The following CDKL5 variants were observed in gnomAD, a reference collection of about 807,000 sequenced individuals.
The protein encoded by CDKL5 is cyclin dependent kinase like 5.
CDKL5 carries 8 observed loss-of-function variants against 61.7 expected under a neutral mutation model. The observed-to-expected ratio is 0.13, with a 90% confidence interval of 0.08 to 0.23. CDKL5 has a LOEUF of 0.23. Ranked by LOEUF, CDKL5 falls within the 10% of genes least tolerant of loss-of-function variation. The pLI, the probability that CDKL5 is intolerant of heterozygous loss-of-function variation, is 1.00. For missense variants in CDKL5, 440 were observed against 734.5 expected (o/e 0.60, Z 4.63); for synonymous variants, 275 against 272.3 (o/e 1.01, Z -0.10).
rs1376296218 is a variant in CDKL5 at position 18,638,995 on chromosome X, G to A, written c.*10238G>A. 8.9e-6 allele frequency among the ~76,000 whole-genome samples: 1 copy of A among 111,865 alleles called. No individual in the cohort carries two copies. The highest frequency in any genetic ancestry group is 1.9e-5 in the Non-Finnish European group (1 of 53,168). On this transcript the variant is annotated 3_prime_UTR_variant, in exon 18 of 18. Coordinates refer to ENST00000623535, the MANE Select transcript of CDKL5 (RefSeq NM_001323289.2). The stretch of plus-strand genomic sequence containing the variant: ...GACAACTGGATATCCACATGCAAAA[G>A]AATGACGTTGGACTCCTATTTCACA...
At position 18,584,369 on chromosome X, in the gene CDKL5, A is replaced by G; in HGVS notation, c.554+16A>G. The stretch of plus-strand genomic sequence containing the variant: ...TCTTACTTGGGTGAGTTACCGTCCC[A>G]AAATAGAATGACATTTCCACATCTG... On this transcript the variant is annotated intron_variant, in intron 8 of 17. Transcript: ENST00000623535. 1 of 1,043,346 alleles carries G rather than the reference A, an allele frequency of 9.6e-7. No homozygotes were observed. Among genetic ancestry groups the G allele is most frequent in the Non-Finnish European group, 1.3e-6 (1 of 741,552 alleles). 86.0% of individuals were successfully genotyped at this position (1,043,346 alleles called of 1,213,427 possible).
At chrX:18,515,540 G>T (rs1246375943) in intron 3 of CDKL5, among the ~76,000 whole-genome samples, 2 of 111,389 alleles carry the variant, frequency 1.8e-5, no homozygotes, top group African/African-American at 6.5e-5. Flanking sequence ...CAGGGACCTG[G>T]TATGTGTGGA....
intron 2 of CDKL5, among the ~76,000 whole-genome samples, chrX:18,509,749 G>C (rs763776419): frequency 2.7e-5 from 3 of 111,384 alleles, no homozygotes; most frequent in Non-Finnish European, 5.7e-5. Flanking sequence ...AAGACAGTGG[G>C]AGTGCTTGTC....
chrX:18,533,583 T>C (rs982557470), intron 3 of CDKL5, among the ~76,000 whole-genome samples: 1 of 111,974 alleles, frequency 8.9e-6, no homozygotes, highest in African/African-American at 3.3e-5. Context: ...GTTCAGTAAA[T>C]ACATATTTAA....
chrX:18,487,687 G>C (rs1244709850), intron 1 of CDKL5, among the ~76,000 whole-genome samples: 1 of 112,731 alleles, frequency 8.9e-6, no homozygotes, highest in South Asian at 3.6e-4. Flanking sequence ...AGGCTGAGGC[G>C]GGAGGATCAC....
chrX:18,579,795 A>G, intron 5 of CDKL5, 53 bp from the exon 6 acceptor site: 10 of 1,126,615 alleles, frequency 8.9e-6, no homozygotes, highest in South Asian at 3.7e-5. Flanking sequence ...TTGTTAATAC[A>G]TAATTTACGG....
chrX:18,629,191 A>G lies in CDKL5; in HGVS notation c.*434A>G. ...TCTGCCTAGAGTAAATGTGGGGTTTATTGTAATCCAAGAGTATCCCTTTGA... is the reference window on the plus strand; with the variant it reads ...TCTGCCTAGAGTAAATGTGGGGTTTGTTGTAATCCAAGAGTATCCCTTTGA... On this transcript the variant is annotated 3_prime_UTR_variant, in exon 18 of 18. Coordinates refer to ENST00000623535, the MANE Select transcript of CDKL5 (RefSeq NM_001323289.2). 1 of 760,417 alleles carries G rather than the reference A, an allele frequency of 1.3e-6. No individual in the cohort carries two copies. Among genetic ancestry groups the G allele is most frequent in the Non-Finnish European group, 1.6e-6 (1 of 642,973 alleles). The allele number at this position is 760,417 out of a possible 1,213,427, so 62.7% of individuals were successfully genotyped here.
chrX:18,522,485 C>T (rs1167072394), intron 3 of CDKL5, among the ~76,000 whole-genome samples: 2 of 106,578 alleles, frequency 1.9e-5, no homozygotes, highest in African/African-American at 6.9e-5. Context: ...GCTGGTATTA[C>T]AGATGTGCAC....
intron 3 of CDKL5, among the ~76,000 whole-genome samples, chrX:18,554,508 C>T (rs753581645): frequency 2.9e-5 from 3 of 104,136 alleles, no homozygotes; most frequent in East Asian, 6.0e-4. Flanking sequence ...CTCCACCTTG[C>T]GGGTTCAAGT....
intron 10 of CDKL5, among the ~76,000 whole-genome samples, chrX:18,597,459 C>G (rs762076606): frequency 1.8e-5 from 2 of 109,787 alleles, no homozygotes; most frequent in Admixed American, 2.0e-4. Flanking sequence ...TATATTGGCT[C>G]TATTTTAGTC....
chrX:18,642,136 G>A, downstream of CDKL5: 2 of 1,211,858 alleles, frequency 1.7e-6, no homozygotes, highest in African/African-American at 1.7e-5. Flanking sequence ...TGGAGGTGCG[G>A]TCCGAGTTGC....
At chrX:18,534,219 G>A (rs1235344040) in intron 3 of CDKL5, among the ~76,000 whole-genome samples, 1 of 111,464 alleles carries the variant, frequency 9.0e-6, no homozygotes, top group Non-Finnish European at 1.9e-5. Flanking sequence ...TTTTGACCTG[G>A]CCGACCCTAT....
intron 1 of CDKL5, among the ~76,000 whole-genome samples, chrX:18,440,241 T>G (rs1193320151): frequency 1.8e-5 from 2 of 112,334 alleles, no homozygotes; most frequent in Non-Finnish European, 3.8e-5. Context: ...TATAGAGTAG[T>G]GTATTTTTGA....
chrX:18,449,936 C>T (rs910364600), intron 1 of CDKL5, among the ~76,000 whole-genome samples: 4 of 111,040 alleles, frequency 3.6e-5, no homozygotes, highest in Admixed American at 9.6e-5. Context: ...CTGGGACTAC[C>T]GGCGCATGCC....
intron 3 of CDKL5, among the ~76,000 whole-genome samples, chrX:18,556,634 A>G (rs1924611337): frequency 2.7e-5 from 3 of 111,180 alleles, no homozygotes; most frequent in Non-Finnish European, 3.8e-5. Context: ...AATAACTTAA[A>G]ATGAAGCTTA....
chrX:18,558,564 C>T (rs980907760), intron 3 of CDKL5, among the ~76,000 whole-genome samples: 1 of 111,636 alleles, frequency 9.0e-6, no homozygotes, highest in Non-Finnish European at 1.9e-5. Context: ...AGATTGCTAG[C>T]AAAGTCCAGG....
intron 20 of CDKL5, chrX:18,647,137 G>A: frequency 8.4e-7 from 1 of 1,188,117 alleles, no homozygotes; most frequent in Non-Finnish European, 1.1e-6. Context: ...CGCTGGTAGA[G>A]AGGCCTATTT....
chrX:18,596,950 CTTT>C (rs1926014980), intron 10 of CDKL5, among the ~76,000 whole-genome samples: 1 of 111,911 alleles, frequency 8.9e-6, no homozygotes, highest in Non-Finnish European at 1.9e-5. Flanking sequence ...CATCAGATTT[CTTT>C]AAGTAAATAT....
intron 1 of CDKL5, among the ~76,000 whole-genome samples, chrX:18,432,041 TG>T (rs958989029): frequency 2.0e-4 from 22 of 109,300 alleles, no homozygotes; most frequent in Non-Finnish European, 3.8e-4. Context: ...CTTGAGTAGC[TG>T]GAACTACAGG....
Sources: gnomAD v4.1 joint callset for allele counts (sites outside exome capture counted in the v4.1 genomes callset) on GRCh38, gnomAD v4.1.1 for gene constraint, MANE v1.5 for transcripts, NCBI Gene and HGNC (gene_info 2026-07-23, HGNC 2026-07-21) for gene names.